Variants in CLDN1 observed in about 807,000 individuals in gnomAD.
The protein encoded by CLDN1 is claudin-1.
CLDN1 carries 12 observed loss-of-function variants against 22.6 expected under a neutral mutation model. The ratio of observed to expected loss-of-function variants is 0.53; its 90% CI spans 0.34 to 0.86. CLDN1 has a LOEUF of 0.86. Among genes scored for constraint, CLDN1 ranks in the 40% least tolerant of loss-of-function variants. CLDN1 has a pLI of 0.02. For synonymous variants in CLDN1, 99 were observed against 103.8 expected, an observed-to-expected ratio of 0.95 and a Z score of 0.28; for missense variants, 250 against 269.5, an observed-to-expected ratio of 0.93 and a Z score of 0.51.
Position 190,322,015 on chromosome 3 carries a change from G to T in CLDN1, c.192C>A (p.Cys64Ter), listed in dbSNP as rs752054405. 1.9e-6 allele frequency: 3 copies of T among 1,614,088 alleles called. No individual in the cohort carries two copies. In the Admixed American group the frequency reaches 5.0e-5, roughly 27 times the overall value. The change falls in exon 1 of 4, where the codon TGC becomes TGA. Residue 64 changes from cysteine to a stop codon, truncating the protein, a stop_gained. Transcript: ENST00000295522. LOFTEE classifies it high-confidence loss of function. Reference protein sequence around the residue: ...CVSQSTGQIQCKVFDSLLNLS... With the variant: ...CVSQSTGQIQ The stretch of plus-strand genomic sequence containing the variant: ...GATTCAGCAAGGAGTCAAAGACTTT[G>T]CACTGGATCTGCCCGGTGCTCTGCG...
chr3:190,321,545 ATTAT>A (rs1716921711), intron 1 of CLDN1, among the ~76,000 whole-genome samples: 1 of 152,200 alleles, frequency 6.6e-6, no homozygotes, highest in African/African-American at 2.4e-5. Context: ...ATACTTGAGG[ATTAT>A]TTATTTAAGC....
At chr3:190,313,203 T>TGACTAGGAATCTAGAGACCCCAGTCATA in intron 1 of CLDN1, 167 bp from the exon 2 acceptor site, 1 of 655,976 alleles carries the variant, frequency 1.5e-6, no homozygotes, top group Non-Finnish European at 2.6e-6. Context: ...ATATACAGTA[T>TGACTAGGAATCTAGAGACCCCAGTCATA]CTTCTCCAGA....
At chr3:190,311,404 A>G (rs560138391) in intron 2 of CLDN1, among the ~76,000 whole-genome samples, 19 of 152,214 alleles carry the variant, frequency 1.2e-4, no homozygotes, top group Non-Finnish European at 2.4e-4. Context: ...GTATTTGGGT[A>G]AACTGAGAGA....
In CLDN1 at chr3:190,312,969, C is replaced by T. The variant is rs562405763; in HGVS notation, c.291G>A (p.Val97=). Reference sequence around the variant, plus strand: ...TCATACACTTCATGCCAACGGTGGCCACAAAGATTGCTATCACTCCCAGGA... The same window carrying T: ...TCATACACTTCATGCCAACGGTGGCTACAAAGATTGCTATCACTCCCAGGA... ...GILLGVIAIF[V]ATVGMKCMKC... The change falls in exon 2 of 4, where the codon GTG becomes GTA. Residue 97 remains valine (V), a synonymous_variant. Coordinates refer to ENST00000295522, the MANE Select transcript of CLDN1 (RefSeq NM_021101.5). 2 of 1,614,176 alleles carry T rather than the reference C, an allele frequency of 1.2e-6. No individual in the cohort carries two copies. Among genetic ancestry groups the T allele is most frequent in the African/African-American group, 2.7e-5 (2 of 75,026 alleles).
In CLDN1 at chr3:190,306,778, C is replaced by A. The variant is rs552129283; in HGVS notation, c.*1499G>T. Reference sequence around the variant, plus strand: ...TGGAACAGAGCACAAACATGTCAGACACAGCTGAAAGAATGGAAATAGACT... The same window carrying A: ...TGGAACAGAGCACAAACATGTCAGAAACAGCTGAAAGAATGGAAATAGACT... On this transcript the variant is annotated 3_prime_UTR_variant, in exon 4 of 4. Transcript: ENST00000295522. 13 of 152,796 alleles carry A rather than the reference C, an allele frequency of 8.5e-5. No individual in the cohort carries two copies. In the South Asian group the frequency reaches 1.9e-3, roughly 22 times the overall value. 9.5% of individuals were successfully genotyped at this position (152,796 alleles called of 1,614,324 possible). A position where few individuals can be genotyped will look rare whatever the true frequency, so the allele number is the denominator to read the frequency against.
chr3:190,312,701 C>G (rs1482056427), intron 2 of CLDN1, among the ~76,000 whole-genome samples, 171 bp downstream of exon 2: 2 of 152,184 alleles, frequency 1.3e-5, no homozygotes, highest in Non-Finnish European at 2.9e-5. Flanking sequence ...GCAGAGCTCT[C>G]ACATTTTCAT....
At chr3:190,319,152 A>C (rs1289020713) in intron 1 of CLDN1, among the ~76,000 whole-genome samples, 1 of 152,174 alleles carries the variant, frequency 6.6e-6, no homozygotes, top group Non-Finnish European at 1.5e-5. Flanking sequence ...AAGTAAGAAG[A>C]AGCATTTAAG....
intron 1 of CLDN1, among the ~76,000 whole-genome samples, chr3:190,320,873 A>G (rs780858610): frequency 3.3e-5 from 5 of 152,198 alleles, no homozygotes; most frequent in Non-Finnish European, 7.3e-5. Flanking sequence ...GTGATTTCTC[A>G]AGGAAGATAC....
chr3:190,321,560 G>A (rs1261184415), intron 1 of CLDN1, among the ~76,000 whole-genome samples: 4 of 152,114 alleles, frequency 2.6e-5, no homozygotes, highest in South Asian at 2.1e-4. Flanking sequence ...TTATTTAAGC[G>A]TGCACACTTG....
rs750092767 is a variant in CLDN1, at chr3:190,308,283, G to A, written c.630C>T (p.Tyr210=). 17 of 1,613,604 alleles carry A rather than the reference G, an allele frequency of 1.1e-5. No homozygotes were observed. The highest frequency in any genetic ancestry group is 1.6e-4 in the Middle Eastern group (1 of 6,074). The change falls in exon 4 of 4, where the codon TAC becomes TAT. Residue 210 remains tyrosine (Y), a synonymous_variant. Coordinates refer to ENST00000295522, the MANE Select transcript of CLDN1 (RefSeq NM_021101.5). ...PKPAPSSGKD[Y]V is the part of the protein sequence containing the mutation. ...TTCTCCTTTTGCCTCTGTGTCACAC[G>A]TAGTCTTTCCCGCTGGAAGGTGCAG...
At chr3:190,311,619 A>G (rs535238567) in intron 2 of CLDN1, among the ~76,000 whole-genome samples, 89 of 150,910 alleles carry the variant, frequency 5.9e-4, no homozygotes, top group African/African-American at 2.1e-3. Context: ...AAAATAATAT[A>G]CTATAATATA....
Position 190,312,929 on chromosome 3 carries a change from C to T in CLDN1, c.331G>A (p.Asp111Asn), listed in dbSNP as rs772600198. The change falls in exon 2 of 4, where the codon GAT becomes AAT. Residue 111 changes from aspartate (D) to asparagine (N), a missense_variant. Coordinates refer to ENST00000295522, the MANE Select transcript of CLDN1 (RefSeq NM_021101.5). Reference protein sequence around the residue: ...GMKCMKCLEDDEVQKMRMAVI... With the variant: ...GMKCMKCLEDNEVQKMRMAVI... Reference sequence around the variant, plus strand: ...GCCATCCTCATCTTCTGCACCTCATCGTCTTCCAAGCACTTCATACACTTC... The same window carrying T: ...GCCATCCTCATCTTCTGCACCTCATTGTCTTCCAAGCACTTCATACACTTC... 8.1e-6 allele frequency: 13 copies of T among 1,614,078 alleles called. 1 individual carries two copies. In the East Asian group the frequency reaches 8.9e-5, roughly 11 times the overall value.
In CLDN1 at chr3:190,308,385, A is replaced by G. The variant is rs1468303255; in HGVS notation, c.528T>C (p.Leu176=). 6.2e-7 allele frequency: 1 copy of G among 1,613,836 alleles called. No homozygotes were observed. ...FTGWAAASLC[L]LGGALLCCSC... is the part of the protein sequence containing the mutation. ...AACAGCAAAGTAGGGCACCTCCCAG[A>G]AGGCAGAGAGAAGCAGCAGCCCAGC... is the stretch of plus-strand genomic sequence containing the variant. The change falls in exon 4 of 4, where the codon CTT becomes CTC. Residue 176 remains leucine (L), a synonymous_variant. Transcript: ENST00000295522.
Position 190,307,398 on chromosome 3 carries a change from A to G in CLDN1, c.*879T>C, listed in dbSNP as rs1179614761. ...ATTCAATCAATAAAGTTGTGTTACA[A>G]CACCTGGGGGAACAGCATGCAGCTA... On this transcript the variant is annotated 3_prime_UTR_variant, in exon 4 of 4. Coordinates refer to ENST00000295522, the MANE Select transcript of CLDN1 (RefSeq NM_021101.5). The G allele has an allele frequency of 6.6e-6, 1 of 152,198 alleles. No homozygotes were observed. The highest frequency in any genetic ancestry group is 1.9e-4 in the East Asian group (1 of 5,194). The allele number at this position is 152,198 out of a possible 1,614,324, so 9.4% of individuals were successfully genotyped here. A position where few individuals can be genotyped will look rare whatever the true frequency, so the allele number is the denominator to read the frequency against.
chr3:190,321,160 T>C (rs534165228), intron 1 of CLDN1, among the ~76,000 whole-genome samples: 3 of 152,298 alleles, frequency 2.0e-5, no homozygotes, highest in African/African-American at 4.8e-5. Context: ...AGCTGACCTC[T>C]GATTTCATCA....
At position 190,308,305 on chromosome 3, in the gene CLDN1, G is replaced by A. The variant is rs1479973517; in HGVS notation, c.608C>T (p.Ala203Val). 1 of 1,613,836 alleles carries A rather than the reference G, an allele frequency of 6.2e-7. No individual in the cohort carries two copies. Among genetic ancestry groups the A allele is most frequent in the East Asian group, 2.2e-5 (1 of 44,874 alleles). The change falls in exon 4 of 4, where the codon GCA (alanine) becomes GTA (valine). Residue 203 changes from alanine to valine, a missense_variant. Physicochemically the swap from Ala to Val is moderately conservative, Grantham distance 64. Coordinates refer to ENST00000295522, the MANE Select transcript of CLDN1 (RefSeq NM_021101.5). Reference sequence around the variant, plus strand: ...CACGTAGTCTTTCCCGCTGGAAGGTGCAGGTTTTGGATAGGGCCTTGGTGT... The same window carrying A: ...CACGTAGTCTTTCCCGCTGGAAGGTACAGGTTTTGGATAGGGCCTTGGTGT... ...YPTPRPYPKP[A>V]PSSGKDYV
intron 2 of CLDN1, among the ~76,000 whole-genome samples, chr3:190,312,219 C>T (rs764646297): frequency 5.9e-5 from 9 of 151,950 alleles, no homozygotes; most frequent in Admixed American, 1.3e-4. Context: ...GCGTGAACCA[C>T]CACACCTGGC....
At position 190,307,571 on chromosome 3, in the gene CLDN1, C is replaced by G. The variant is rs1716489293; in HGVS notation, c.*706G>C. ...CTGATTTGTAATAAATTCTTCTTGG[C>G]TTTAGAAACTAAAATGTAGGCTATG... On this transcript the variant is annotated 3_prime_UTR_variant, in exon 4 of 4. Coordinates refer to ENST00000295522, the MANE Select transcript of CLDN1 (RefSeq NM_021101.5). 1 of 152,044 alleles carries G rather than the reference C, an allele frequency of 6.6e-6. No homozygotes were observed. Among genetic ancestry groups the G allele is most frequent in the Non-Finnish European group, 1.5e-5 (1 of 68,026 alleles). 9.4% of individuals were successfully genotyped at this position (152,044 alleles called of 1,614,324 possible). A position where few individuals can be genotyped will look rare whatever the true frequency, so the allele number is the denominator to read the frequency against.
In CLDN1 at chr3:190,314,563, T is replaced by A. The variant is rs1399629802; in HGVS notation, c.224-1527A>T. On this transcript the variant is annotated intron_variant, in intron 1 of 3. Coordinates refer to ENST00000295522, the MANE Select transcript of CLDN1 (RefSeq NM_021101.5). ...GCACGAACCACCATGCCTGGCTAAATTTTTTTTTTTTTTTGGTATTTAGTA... is the reference window on the plus strand; with the variant it reads ...GCACGAACCACCATGCCTGGCTAAAATTTTTTTTTTTTTTGGTATTTAGTA... Among the ~76,000 whole-genome samples, 6 of 64,710 alleles carry A rather than the reference T, an allele frequency of 9.3e-5. No individual in the cohort carries two copies. The African/African-American group carries it at 9.9e-4, about 11-fold the overall frequency. The allele number at this position is 64,710 out of a possible 152,430, so 42.5% of individuals were successfully genotyped here. A position where few individuals can be genotyped will look rare whatever the true frequency, so the allele number is the denominator to read the frequency against.
Sources: gnomAD v4.1 joint callset for allele counts (sites outside exome capture counted in the v4.1 genomes callset) on GRCh38, gnomAD v4.1.1 for gene constraint, MANE v1.5 for transcripts, NCBI Gene and HGNC (gene_info 2026-07-23, HGNC 2026-07-21) for gene names.